The following DLGAP2 variants were observed in gnomAD, a reference collection of about 807,000 sequenced individuals.
The protein encoded by DLGAP2 is disks large-associated protein 2.
A neutral mutation model predicts 100.3 loss-of-function variants in DLGAP2; 26 were observed. That is an observed-to-expected ratio of 0.26 (90% CI 0.19 to 0.36). The LOEUF is 0.36. Among genes scored for constraint, DLGAP2 ranks in the 10% least tolerant of loss-of-function variants. The pLI, the probability that DLGAP2 is intolerant of heterozygous loss-of-function variation, is 1.00. For synonymous variants in DLGAP2, 886 were observed against 630.1 expected, an observed-to-expected ratio of 1.41 and a Z score of -6.08; for missense variants, 1,858 against 1,453.2, an observed-to-expected ratio of 1.28 and a Z score of -4.53.
chr8:1,519,926 C>G (rs1053337453), intron 4 of DLGAP2, among the ~76,000 whole-genome samples: 5 of 152,222 alleles, frequency 3.3e-5, no homozygotes, highest in African/African-American at 7.2e-5. Flanking sequence ...GGGTTTGGGT[C>G]TATCCTCCCA....
At chr8:1,507,341 G>C (rs914469278) in intron 4 of DLGAP2, among the ~76,000 whole-genome samples, 4 of 152,196 alleles carry the variant, frequency 2.6e-5, no homozygotes, top group Non-Finnish European at 5.9e-5. Flanking sequence ...GGCGTGCAGC[G>C]CCGGTGGGCC....
At chr8:938,267 G>A (rs564195349) in intron 2 of DLGAP2, among the ~76,000 whole-genome samples, 10 of 152,236 alleles carry the variant, frequency 6.6e-5, no homozygotes, top group African/African-American at 2.2e-4. Context: ...ACCCTTTGAA[G>A]GCTCACTACA....
intron 2 of DLGAP2, among the ~76,000 whole-genome samples, chr8:1,024,045 G>C (rs1801708754): frequency 6.6e-6 from 1 of 152,010 alleles, no homozygotes; most frequent in African/African-American, 2.4e-5. Flanking sequence ...CAGGTGCCAT[G>C]TGCGGTGTGG....
At chr8:1,683,968 A>G (rs1365108749) in intron 12 of DLGAP2, among the ~76,000 whole-genome samples, 14 of 125,536 alleles carry the variant, frequency 1.1e-4, no homozygotes, top group East Asian at 7.2e-4. Context: ...ATATATATAT[A>G]TATATATATA....
intron 1 of DLGAP2, among the ~76,000 whole-genome samples, chr8:801,415 T>C (rs1216320802): frequency 1.3e-5 from 2 of 152,222 alleles, no homozygotes; most frequent in Non-Finnish European, 2.9e-5. Flanking sequence ...TGGGCCCCAC[T>C]CTTATGCTAA....
At chr8:1,365,271 G>A (rs547013962) in intron 3 of DLGAP2, among the ~76,000 whole-genome samples, 10 of 152,234 alleles carry the variant, frequency 6.6e-5, no homozygotes, top group Admixed American at 1.3e-4. Context: ...CTCAAGCTCC[G>A]GGGATGTGTG....
At chr8:989,727 T>A (rs563312794) in intron 2 of DLGAP2, among the ~76,000 whole-genome samples, 1 of 152,306 alleles carries the variant, frequency 6.6e-6, no homozygotes, top group African/African-American at 2.4e-5. Flanking sequence ...TTTAAAATTT[T>A]GAAATTGGCT....
At position 961,176 on chromosome 8, in the gene DLGAP2, A is replaced by G. The variant is rs1799716762; in HGVS notation, c.73+53210A>G. Among the ~76,000 whole-genome samples, 4 of 152,182 alleles carry G rather than the reference A, an allele frequency of 2.6e-5. No homozygotes were observed. In the South Asian group the frequency reaches 8.3e-4, roughly 32 times the overall value. The stretch of plus-strand genomic sequence containing the variant: ...TCTTGGTTAGTGTACATACTTCTTC[A>G]TATGTGGTCTGCGAAAGCTGGGGCC... On this transcript the variant is annotated intron_variant, in intron 2 of 14. Transcript: ENST00000637795.
At chr8:1,326,103 G>C (rs6558449) in intron 3 of DLGAP2, among the ~76,000 whole-genome samples, 70,867 of 152,024 alleles carry the variant, frequency 0.47, 18,434 homozygotes, top group African/African-American at 0.72. Flanking sequence ...TTTCTTCTTC[G>C]ATGGTTTCTT....
intron 3 of DLGAP2, among the ~76,000 whole-genome samples, chr8:1,319,326 C>G (rs981674140): frequency 6.6e-6 from 1 of 152,232 alleles, no homozygotes; most frequent in African/African-American, 2.4e-5. Context: ...GACCAACCTT[C>G]TCTGACTCAA....
chr8:878,351 G>A (rs1797723065), intron 1 of DLGAP2, among the ~76,000 whole-genome samples: 1 of 152,136 alleles, frequency 6.6e-6, no homozygotes, highest in Non-Finnish European at 1.5e-5. Context: ...AGGAACACAC[G>A]GTAGGTTTTG....
At chr8:949,571 C>T (rs1426814847) in intron 2 of DLGAP2, among the ~76,000 whole-genome samples, 3 of 152,206 alleles carry the variant, frequency 2.0e-5, no homozygotes, top group South Asian at 2.1e-4. Flanking sequence ...CACACGTGGG[C>T]GCGTGCCAGG....
intron 2 of DLGAP2, among the ~76,000 whole-genome samples, chr8:1,071,525 CCTT>C (rs1563176292): frequency 6.6e-6 from 1 of 152,188 alleles, no homozygotes; most frequent in African/African-American, 2.4e-5. Flanking sequence ...TCCAGATTTC[CCTT>C]CTTATGATGT....
At chr8:877,024 A>G (rs1162501139) in intron 1 of DLGAP2, among the ~76,000 whole-genome samples, 1 of 149,754 alleles carries the variant, frequency 6.7e-6, no homozygotes, top group African/African-American at 2.5e-5. Flanking sequence ...ATTTTTTGCA[A>G]CATTCTTCTA....
intron 3 of DLGAP2, among the ~76,000 whole-genome samples, chr8:1,415,263 T>C (rs925341623): frequency 2.6e-5 from 4 of 152,200 alleles, no homozygotes; most frequent in Admixed American, 2.0e-4. Context: ...CTTTTAATTA[T>C]TTTCTTATGA....
Position 1,668,470 on chromosome 8 carries a change from C to A in DLGAP2, c.1952C>A (p.Ser651Tyr). The change falls in exon 9 of 15, where the codon TCC (serine) becomes TAC (tyrosine). Residue 651 changes from serine to tyrosine, a missense_variant. By Grantham distance (144) the Ser-to-Tyr change is moderately radical (BLOSUM62 -2). Transcript: ENST00000637795. ...CAGGACAGCCGCGCACAGAGGATGT[C>A]CCCGTGGCCCCAGGACAGCCGCGGC... Reference protein sequence around the residue: ...AYQDSRAQRMSPWPQDSRGLY... With the variant: ...AYQDSRAQRMYPWPQDSRGLY... 1 of 1,594,256 alleles carries A rather than the reference C, an allele frequency of 6.3e-7. No individual in the cohort carries two copies. Among genetic ancestry groups the A allele is most frequent in the South Asian group, 1.1e-5 (1 of 87,696 alleles).
chr8:1,543,443 A>G (rs1230867096), intron 4 of DLGAP2, among the ~76,000 whole-genome samples: 4 of 152,134 alleles, frequency 2.6e-5, no homozygotes, highest in African/African-American at 7.2e-5. Context: ...TGTAGGAGAG[A>G]CTATTCTTTC....
In DLGAP2 at chr8:1,548,981, C is replaced by T. The variant is rs561340681; in HGVS notation, c.528C>T (p.Cys176=). Residue 176 remains cysteine (C), a synonymous_variant, in exon 5 of 15, where the codon TGC becomes TGT. Coordinates refer to ENST00000637795, the MANE Select transcript of DLGAP2 (RefSeq NM_001346810.2). ...YSSHYDTRDD[C]AVAHAGAKIN... is the part of the protein sequence containing the mutation. ...CGCACTACGACACGCGCGACGACTGCGCTGTGGCCCACGCGGGCGCCAAGA... is the reference window on the plus strand; with the variant it reads ...CGCACTACGACACGCGCGACGACTGTGCTGTGGCCCACGCGGGCGCCAAGA... 8.1e-6 allele frequency: 13 copies of T among 1,599,262 alleles called. No individual in the cohort carries two copies. Among genetic ancestry groups the T allele is most frequent in the Admixed American group, 6.7e-5 (4 of 59,938 alleles).
At chr8:1,358,770 C>A (rs1382021503) in intron 3 of DLGAP2, among the ~76,000 whole-genome samples, 1 of 152,102 alleles carries the variant, frequency 6.6e-6, no homozygotes, top group Non-Finnish European at 1.5e-5. Context: ...CTGCGGTGGG[C>A]TAAGCGGGGC....
Sources: allele counts gnomAD v4.1 joint callset (sites outside exome capture counted in the v4.1 genomes callset), GRCh38; gene constraint gnomAD v4.1.1; transcripts MANE v1.5; gene names NCBI Gene and HGNC (gene_info 2026-07-23, HGNC 2026-07-21).